The following NBEA variants were observed in gnomAD, a reference collection of about 807,000 sequenced individuals.
NBEA encodes neurobeachin.
NBEA carries 44 observed loss-of-function variants against 343.4 expected under a neutral mutation model. That is an observed-to-expected ratio of 0.13 (90% CI 0.10 to 0.16). The LOEUF (loss-of-function observed/expected upper bound fraction) is 0.16, where lower values mean the gene tolerates loss of function less well. NBEA is among the 10% of genes least tolerant of loss of function. The pLI, the probability that NBEA is intolerant of heterozygous loss-of-function variation, is 1.00. For missense variants in NBEA, 2,555 were observed against 3,631.3 expected (o/e 0.70, Z 7.62); for synonymous variants, 1,175 against 1,238.7 (o/e 0.95, Z 1.08).
intron 1 of NBEA, among the ~76,000 whole-genome samples, chr13:34,990,478 C>T (rs1007528292): frequency 6.6e-6 from 1 of 151,084 alleles, no homozygotes; most frequent in Non-Finnish European, 1.5e-5. Flanking sequence ...GTATCTGGGG[C>T]CCTTTTAGCC....
chr13:35,136,398 T>G (rs1025718919), intron 17 of NBEA, among the ~76,000 whole-genome samples: 11 of 152,150 alleles, frequency 7.2e-5, no homozygotes, highest in Non-Finnish European at 1.6e-4. Context: ...GGATTCCAAG[T>G]TTTTGTATTA....
intron 38 of NBEA, among the ~76,000 whole-genome samples, chr13:35,425,161 A>G (rs1426745054): frequency 4.6e-5 from 7 of 151,850 alleles, no homozygotes; most frequent in African/African-American, 7.3e-5. Context: ...GTTCTGCTCT[A>G]ATCTTAGTTA....
At chr13:35,563,944 A>G (rs1020281690) in intron 44 of NBEA, among the ~76,000 whole-genome samples, 1 of 151,838 alleles carries the variant, frequency 6.6e-6, no homozygotes, top group Non-Finnish European at 1.5e-5. Context: ...GATAAATTAC[A>G]TGTCATGGGT....
At chr13:35,031,647 A>T (rs911290703) in intron 1 of NBEA, among the ~76,000 whole-genome samples, 1 of 151,438 alleles carries the variant, frequency 6.6e-6, no homozygotes, top group African/African-American at 2.4e-5. Context: ...ATTAGACAGG[A>T]ACTTTTTTTT....
chr13:35,665,294 T>A (rs2085298397), intron 56 of NBEA, 108 bp downstream of exon 56: 1 of 781,740 alleles, frequency 1.3e-6, no homozygotes, highest in Admixed American at 2.4e-5. Flanking sequence ...AGACAAATGG[T>A]ATCCCAAAGT....
At chr13:35,090,252 C>G (rs1467973918) in intron 10 of NBEA, among the ~76,000 whole-genome samples, 1 of 151,568 alleles carries the variant, frequency 6.6e-6, no homozygotes. Context: ...TCAGAGTAGC[C>G]CAGTATTCAT....
intron 38 of NBEA, among the ~76,000 whole-genome samples, chr13:35,390,865 A>C (rs1324687304): frequency 6.6e-6 from 1 of 152,130 alleles, no homozygotes; most frequent in Non-Finnish European, 1.5e-5. Context: ...ATCAGTGTAC[A>C]TGTTGTTATT....
At chr13:35,324,543 A>G (rs1048543752) in intron 36 of NBEA, among the ~76,000 whole-genome samples, 2 of 152,184 alleles carry the variant, frequency 1.3e-5, no homozygotes, top group African/African-American at 4.8e-5. Flanking sequence ...AGTTCTTAGC[A>G]CTTATTAATT....
intron 10 of NBEA, among the ~76,000 whole-genome samples, chr13:35,083,394 G>A (rs2064534858): frequency 6.6e-6 from 1 of 152,100 alleles, no homozygotes; most frequent in African/African-American, 2.4e-5. Context: ...AAGCCCATCA[G>A]ACTAACAGCT....
At chr13:35,268,114 C>T (rs1284635664) in intron 34 of NBEA, among the ~76,000 whole-genome samples, 1 of 151,962 alleles carries the variant, frequency 6.6e-6, no homozygotes, top group East Asian at 1.9e-4. Flanking sequence ...ACCTGGGTGT[C>T]CACTGATGGA....
In NBEA at chr13:35,670,472, G is replaced by T. The variant is rs1468331214; in HGVS notation, c.8814-429G>T. ...TGCCTTTACGTCCAGGGAGACTGTGGACCGAGAGGACAAGAGGTGGAGTGA... is the reference window on the plus strand; with the variant it reads ...TGCCTTTACGTCCAGGGAGACTGTGTACCGAGAGGACAAGAGGTGGAGTGA... On this transcript the variant is annotated intron_variant, in intron 58 of 58. Coordinates refer to ENST00000379939, the MANE Select transcript of NBEA (RefSeq NM_001385012.1). 2.6e-5 allele frequency among the ~76,000 whole-genome samples: 4 copies of T among 152,180 alleles called. No homozygotes were observed. In the East Asian group the frequency reaches 7.7e-4, roughly 29 times the overall value.
intron 39 of NBEA, among the ~76,000 whole-genome samples, chr13:35,447,447 A>C (rs1443976662): frequency 6.6e-6 from 1 of 152,020 alleles, no homozygotes; most frequent in Non-Finnish European, 1.5e-5. Flanking sequence ...AGATTTCTGC[A>C]ATGCAATATT....
At chr13:35,375,597 AT>A (rs2152887292) in intron 38 of NBEA, among the ~76,000 whole-genome samples, 1 of 152,244 alleles carries the variant, frequency 6.6e-6, no homozygotes, top group East Asian at 1.9e-4. Flanking sequence ...ACTTGCAACT[AT>A]TTTTTATGTA....
intron 41 of NBEA, among the ~76,000 whole-genome samples, chr13:35,508,947 T>TA (rs1361389262): frequency 6.6e-6 from 1 of 152,200 alleles, no homozygotes; most frequent in East Asian, 1.9e-4. Flanking sequence ...AATCATGCCC[T>TA]AATGGGAAAG....
chr13:35,045,452 C>G (rs1477918777), intron 4 of NBEA, 51 bp downstream of exon 4: 9 of 1,389,396 alleles, frequency 6.5e-6, no homozygotes, highest in Admixed American at 2.2e-5. Flanking sequence ...TTTAGGTCAC[C>G]TTTAGTAAGG....
At chr13:35,302,524 TATTGCTTAGGTCAA>T (rs2036622268) in intron 35 of NBEA, among the ~76,000 whole-genome samples, 2 of 152,196 alleles carry the variant, frequency 1.3e-5, no homozygotes, top group Admixed American at 1.3e-4. Flanking sequence ...CCACTTTGGC[TATTGCTTAGGTCAA>T]GGCCTGCATA....
At chr13:35,045,162 T>A in intron 3 of NBEA, 115 bp downstream of exon 3, 1 of 1,219,272 alleles carries the variant, frequency 8.2e-7, no homozygotes, top group South Asian at 1.5e-5. Flanking sequence ...TGCTTTCTTC[T>A]TAAATGATTT....
At chr13:35,641,165 A>T (rs1021061601) in intron 49 of NBEA, among the ~76,000 whole-genome samples, 2 of 152,130 alleles carry the variant, frequency 1.3e-5, no homozygotes, top group Non-Finnish European at 2.9e-5. Flanking sequence ...ACCCTAAAAG[A>T]TTACATAATG....
chr13:35,392,995 C>T (rs1209851478), intron 38 of NBEA, among the ~76,000 whole-genome samples: 1 of 152,152 alleles, frequency 6.6e-6, no homozygotes, highest in Non-Finnish European at 1.5e-5. Flanking sequence ...TGTTGGCTAT[C>T]CAGAGCTAGC....
Sources: gnomAD v4.1 joint callset for allele counts (sites outside exome capture counted in the v4.1 genomes callset) on GRCh38, gnomAD v4.1.1 for gene constraint, MANE v1.5 for transcripts, NCBI Gene and HGNC (gene_info 2026-07-23, HGNC 2026-07-21) for gene names.